The following YBX1 variants were observed in gnomAD, a reference collection of about 807,000 sequenced individuals.
The protein encoded by YBX1 is Y-box binding protein 1, also known as Y-box-binding protein 1.
YBX1 carries 3 observed loss-of-function variants against 41.4 expected under a neutral mutation model. The ratio of observed to expected loss-of-function variants is 0.07; its 90% confidence interval spans 0.03 to 0.19. The LOEUF (loss-of-function observed/expected upper bound fraction) is 0.19, where lower values mean the gene tolerates loss of function less well. YBX1 is among the 10% of genes least tolerant of loss of function. The pLI, the probability that YBX1 is intolerant of heterozygous loss-of-function variation, is 1.00. For missense variants in YBX1, 274 were observed against 462.8 expected (o/e 0.59, Z 3.74); for synonymous variants, 133 against 165.8 (o/e 0.80, Z 1.52).
At chr1:42,688,272 A>G (rs1025737327) in intron 2 of YBX1, among the ~76,000 whole-genome samples, 1 of 152,156 alleles carries the variant, frequency 6.6e-6, no homozygotes, top group Non-Finnish European at 1.5e-5. Context: ...ATGTTTGGAG[A>G]TTTGCAACAA....
intron 2 of YBX1, among the ~76,000 whole-genome samples, chr1:42,690,907 C>G (rs182597035): frequency 1.6e-4 from 25 of 152,110 alleles, no homozygotes; most frequent in African/African-American, 6.0e-4. Flanking sequence ...CATTCACTGC[C>G]GGAAAAGGGT....
At chr1:42,697,754 A>G (rs957395009) in intron 6 of YBX1, among the ~76,000 whole-genome samples, 1 of 152,022 alleles carries the variant, frequency 6.6e-6, no homozygotes, top group Non-Finnish European at 1.5e-5. Context: ...CTGCGGGGGG[A>G]AATCCAGTCT....
chr1:42,700,615 C>G (rs1220755430), intron 6 of YBX1, among the ~76,000 whole-genome samples, 166 bp from the exon 7 acceptor site: 2 of 129,110 alleles, frequency 1.5e-5, no homozygotes, highest in Admixed American at 7.6e-5. Context: ...AGCATCCCCC[C>G]CCCCCCAAAA....
Position 42,683,469 on chromosome 1 carries a change from G to A in YBX1, c.230+3G>A, listed in dbSNP as rs757323239. On this transcript the variant is annotated splice_donor_region_variant and intron_variant, in intron 2 of 7. Coordinates refer to ENST00000321358, the MANE Select transcript of YBX1 (RefSeq NM_004559.5). ...AACGGATATGGTTTCATCAACAGGT[G>A]AGCTGCCGGGCTCTGAAGCCTCCAT... 1.9e-6 allele frequency: 3 copies of A among 1,613,102 alleles called. No homozygotes were observed. In the Admixed American group the frequency reaches 5.0e-5, roughly 27 times the overall value.
intron 3 of YBX1, among the ~76,000 whole-genome samples, chr1:42,695,881 C>G (rs1314281610): frequency 6.6e-6 from 1 of 152,142 alleles, no homozygotes; most frequent in South Asian, 2.1e-4. Context: ...GATGGATATC[C>G]TCATTTGTTA....
At chr1:42,686,591 A>C (rs756256846) in intron 2 of YBX1, among the ~76,000 whole-genome samples, 6 of 152,286 alleles carry the variant, frequency 3.9e-5, no homozygotes, top group South Asian at 2.1e-4. Context: ...AGGTTTGGCT[A>C]TCTCTCTTTA....
intron 2 of YBX1, among the ~76,000 whole-genome samples, chr1:42,692,151 C>T (rs1204844441): frequency 6.6e-6 from 1 of 152,214 alleles, no homozygotes; most frequent in African/African-American, 2.4e-5. Flanking sequence ...AATACCCTGC[C>T]AGGGGAAGTA....
Position 42,696,522 on chromosome 1 carries a change from C to CGGGGGGGGGG in YBX1, c.355-120_355-119insGGGGGGGGGG. On this transcript the variant is annotated intron_variant, in intron 4 of 7. Coordinates refer to ENST00000321358, the MANE Select transcript of YBX1 (RefSeq NM_004559.5). This position sits in a 1 kb window ranked among gnomAD's most constrained non-coding sequence, Gnocchi z 5.7. ...GGTCACGCAGTTGCGCCCCCCCCCC[C>CGGGGGGGGGG]TTTTTTTTCCTTAACTTTGTTGTTT... The CGGGGGGGGGG allele has an allele frequency of 3.1e-6, 2 of 637,566 alleles. No individual in the cohort carries two copies. Among genetic ancestry groups the CGGGGGGGGGG allele is most frequent in the Non-Finnish European group, 4.8e-6 (2 of 420,684 alleles). 39.5% of individuals were successfully genotyped at this position (637,566 alleles called of 1,614,324 possible). A position where few individuals can be genotyped will look rare whatever the true frequency, so the allele number is the denominator to read the frequency against.
intron 2 of YBX1, among the ~76,000 whole-genome samples, chr1:42,687,433 G>A (rs890558797): frequency 6.6e-6 from 1 of 151,960 alleles, no homozygotes. Context: ...ACAGGCGCCC[G>A]CCACCACACA....
chr1:42,692,673 C>T (rs533309834), intron 2 of YBX1, among the ~76,000 whole-genome samples: 1 of 152,224 alleles, frequency 6.6e-6, no homozygotes, highest in Non-Finnish European at 1.5e-5. Context: ...CTTTTTCTCA[C>T]TCTGACCTGA....
intron 6 of YBX1, among the ~76,000 whole-genome samples, 161 bp from the exon 7 acceptor site, chr1:42,700,620 C>CA (rs1444289229): frequency 7.6e-6 from 1 of 132,412 alleles, no homozygotes; most frequent in Non-Finnish European, 1.6e-5. Flanking sequence ...CCCCCCCCCC[C>CA]CAAAAAAAAA....
chr1:42,693,768 A>G (rs931574168), intron 3 of YBX1, among the ~76,000 whole-genome samples: 1 of 152,208 alleles, frequency 6.6e-6, no homozygotes, highest in Non-Finnish European at 1.5e-5. Flanking sequence ...TGTTGAGTCA[A>G]ACTCACTGCA....
At chr1:42,688,768 C>T (rs1228825022) in intron 2 of YBX1, among the ~76,000 whole-genome samples, 1 of 152,182 alleles carries the variant, frequency 6.6e-6, no homozygotes, top group African/African-American at 2.4e-5. Context: ...TCGATATGTG[C>T]TATAGATGAG....
At chr1:42,686,813 G>T (rs1486796467) in intron 2 of YBX1, among the ~76,000 whole-genome samples, 1 of 152,192 alleles carries the variant, frequency 6.6e-6, no homozygotes, top group Non-Finnish European at 1.5e-5. Context: ...TCATTCTGAG[G>T]CACAAAGGAG....
At chr1:42,699,670 A>C (rs116604286) in intron 6 of YBX1, among the ~76,000 whole-genome samples, 4,633 of 151,980 alleles carry the variant, frequency 0.03, 100 homozygotes, top group Middle Eastern at 0.044. Context: ...TGTGTTACTC[A>C]AGCAGTCTTG....
At chr1:42,698,725 T>A (rs756331832) in intron 6 of YBX1, among the ~76,000 whole-genome samples, 3 of 152,168 alleles carry the variant, frequency 2.0e-5, no homozygotes, top group Admixed American at 6.5e-5. Flanking sequence ...ACCCCTCCAG[T>A]GCAGAGGTTT....
intron 2 of YBX1, among the ~76,000 whole-genome samples, chr1:42,691,561 C>A (rs1650330171): frequency 6.6e-6 from 1 of 151,976 alleles, no homozygotes; most frequent in African/African-American, 2.4e-5. Flanking sequence ...TATGTGAATA[C>A]CTGTTGTAAC....
rs1213931110 is a variant in YBX1, at chr1:42,700,848, G to A, written c.808G>A (p.Glu270Lys). Residue 270 changes from glutamate to lysine, a missense_variant, in exon 7 of 8, where the codon GAG (glutamate) becomes AAG (lysine). Physicochemically the swap from Glu to Lys is moderately conservative, Grantham distance 56. Transcript: ENST00000321358. Reference sequence around the variant, plus strand: ...AGAAGATAAAGAAAATCAAGGAGATGAGACCCAAGGTCAGCAGCCACCTCA... The same window carrying A: ...AGAAGATAAAGAAAATCAAGGAGATAAGACCCAAGGTCAGCAGCCACCTCA... The part of the protein sequence containing the change: ...NEEDKENQGD[E>K]TQGQQPPQRR... 2 of 1,613,300 alleles carry A rather than the reference G, an allele frequency of 1.2e-6. No homozygotes were observed. Among genetic ancestry groups the A allele is most frequent in the Admixed American group, 3.3e-5 (2 of 59,980 alleles).
At chr1:42,683,892 G>C (rs1304597740) in intron 2 of YBX1, among the ~76,000 whole-genome samples, 3 of 152,110 alleles carry the variant, frequency 2.0e-5, no homozygotes, top group African/African-American at 7.2e-5. Flanking sequence ...AGGGTAAGAG[G>C]ATTTGACTAT....
Sources: allele counts gnomAD v4.1 joint callset (sites outside exome capture counted in the v4.1 genomes callset), GRCh38; gene constraint gnomAD v4.1.1; non-coding constraint Gnocchi (gnomAD v3.1); transcripts MANE v1.5; gene names NCBI Gene and HGNC (gene_info 2026-07-23, HGNC 2026-07-21).